The following TRMT61B variants were observed in gnomAD, a reference collection of about 807,000 sequenced individuals.
TRMT61B encodes the protein tRNA methyltransferase 61B.
TRMT61B carries 56 observed loss-of-function variants against 52.0 expected under a neutral mutation model. That is an observed-to-expected ratio of 1.08 (90% CI 0.87 to 1.35). The LOEUF is 1.35. TRMT61B is among the 40% of genes most tolerant of loss of function. The pLI, the probability that TRMT61B is intolerant of heterozygous loss-of-function variation, is 0.00. For synonymous variants in TRMT61B, 206 were observed against 220.0 expected (o/e 0.94, Z 0.56); for missense variants, 650 against 577.9 (o/e 1.12, Z -1.28).
chr2:28,867,994 G>GTT (rs1669920126), intron 1 of TRMT61B, among the ~76,000 whole-genome samples: 1 of 152,010 alleles, frequency 6.6e-6, no homozygotes, highest in Admixed American at 6.6e-5. Context: ...TCAGGCTACA[G>GTT]TAAGAGGTGA....
At position 28,861,289 on chromosome 2, in the gene TRMT61B, G is replaced by A; in HGVS notation, c.822C>T (p.Val274=). The change falls in exon 3 of 7, where the codon GTC becomes GTT. Residue 274 remains valine, a synonymous_variant. Transcript: ENST00000306108. ...LSKAVGSQGR[V]ISFEVRKDHH... The stretch of plus-strand genomic sequence containing the variant: ...GGTCTTTTCGTACCTCAAAACTTAT[G>A]ACTCGTCCTTGTGATCCAACTTAAG... The A allele has an allele frequency of 1.3e-6, 2 of 1,591,670 alleles. No homozygotes were observed. The highest frequency in any genetic ancestry group is 1.7e-6 in the Non-Finnish European group (2 of 1,172,582).
At position 28,851,083 on chromosome 2, in the gene TRMT61B, T is replaced by G. The variant is rs749379957; in HGVS notation, c.1301A>C (p.Glu434Ala). 35 of 1,604,092 alleles carry G rather than the reference T, an allele frequency of 2.2e-5. No individual in the cohort carries two copies. The highest frequency in any genetic ancestry group is 2.7e-5 in the Non-Finnish European group (32 of 1,176,060). The change falls in exon 5 of 7, where the codon GAG becomes GCG. Residue 434 changes from glutamate to alanine, a missense_variant. Physicochemically the swap from Glu to Ala is moderately radical, Grantham distance 107. Transcript: ENST00000306108. ...KIGVKGELFQ[E>A]DDHEESHSDF... ...AAACTGAAGCTCACCATGGTCATCC[T>G]CTTGAAACAGCTCACCTTTAACTCC...
chr2:28,858,026 A>C (rs66904522), intron 3 of TRMT61B, among the ~76,000 whole-genome samples: 63,229 of 150,610 alleles, frequency 0.42, 13,910 homozygotes, highest in East Asian at 0.77. Context: ...AGCTGTTTCC[A>C]AAATTTGTTT....
In TRMT61B at chr2:28,850,364, C is replaced by T; in HGVS notation, c.1354G>A (p.Val452Ile). Residue 452 changes from valine (V) to isoleucine (I), a missense_variant, in exon 6 of 7, where the codon GTT (valine) becomes ATT (isoleucine). Physicochemically the swap from Val to Ile is conservative, Grantham distance 29 (BLOSUM62 3). Transcript: ENST00000306108. ...GGTTGCCAGTGTACTGGTCTAGCAACATAGGGAAATGATCCATATGGAAAA... is the reference window on the plus strand; with the variant it reads ...GGTTGCCAGTGTACTGGTCTAGCAATATAGGGAAATGATCCATATGGAAAA... The part of the protein sequence containing the change: ...SDFPYGSFPY[V>I]ARPVHWQPGH... 1 of 1,610,618 alleles carries T rather than the reference C, an allele frequency of 6.2e-7. No individual in the cohort carries two copies.
At chr2:28,853,794 C>T (rs1168712486) in intron 3 of TRMT61B, among the ~76,000 whole-genome samples, 1 of 151,866 alleles carries the variant, frequency 6.6e-6, no homozygotes, top group East Asian at 2.0e-4. Flanking sequence ...CAAGATTAAA[C>T]CACTGCACTC....
chr2:28,854,245 C>T (rs978033051), intron 3 of TRMT61B, among the ~76,000 whole-genome samples: 5 of 152,040 alleles, frequency 3.3e-5, no homozygotes, highest in African/African-American at 1.2e-4. Context: ...AAGGGGTAGA[C>T]ATTAAACAAA....
chr2:28,853,039 G>T (rs1485838445), intron 3 of TRMT61B, among the ~76,000 whole-genome samples: 2 of 151,990 alleles, frequency 1.3e-5, no homozygotes, highest in African/African-American at 4.8e-5. Context: ...ATATTAATAT[G>T]GAAATATTGA....
At chr2:28,851,024 C>T in intron 5 of TRMT61B, 48 bp downstream of exon 5, 1 of 1,237,206 alleles carries the variant, frequency 8.1e-7, no homozygotes, top group Non-Finnish European at 1.1e-6. Flanking sequence ...TACTCAGGAA[C>T]TCATTCTCCA....
chr2:28,852,835 C>T (rs978655014), intron 3 of TRMT61B, among the ~76,000 whole-genome samples: 12 of 151,896 alleles, frequency 7.9e-5, no homozygotes, highest in South Asian at 4.2e-4. Flanking sequence ...GGCACAAGCC[C>T]GTAGTACCAG....
intron 3 of TRMT61B, among the ~76,000 whole-genome samples, chr2:28,858,041 C>CTTTT (rs372996493): frequency 1.5e-5 from 2 of 133,318 alleles, no homozygotes; most frequent in Non-Finnish European, 3.2e-5. Flanking sequence ...TTGTTTAATT[C>CTTTT]TTTTTTTTTT....
intron 4 of TRMT61B, among the ~76,000 whole-genome samples, chr2:28,851,878 C>CAAAAAAAA (rs1162566474): frequency 5.5e-5 from 1 of 18,256 alleles, no homozygotes; most frequent in Non-Finnish European, 1.0e-4. Flanking sequence ...GACTCTGTCT[C>CAAAAAAAA]AAAAAAAAAA....
At chr2:28,864,402 A>T (rs1039415587) in intron 2 of TRMT61B, among the ~76,000 whole-genome samples, 3 of 152,062 alleles carry the variant, frequency 2.0e-5, no homozygotes, top group Admixed American at 6.6e-5. Context: ...ATTTAAATAG[A>T]GAGTATTATA....
intron 3 of TRMT61B, among the ~76,000 whole-genome samples, chr2:28,857,673 G>A (rs1669401397): frequency 6.6e-6 from 1 of 152,134 alleles, no homozygotes; most frequent in Admixed American, 6.6e-5. Flanking sequence ...AAGATTAAGT[G>A]ACTTACCCAA....
In TRMT61B at chr2:28,870,250, C is replaced by G; in HGVS notation, c.28G>C (p.Val10Leu). 6.2e-7 allele frequency: 1 copy of G among 1,601,400 alleles called. No homozygotes were observed. The highest frequency in any genetic ancestry group is 8.5e-7 in the Non-Finnish European group (1 of 1,175,400). MLMAWCRGP[V>L]LLCLRQGLGT... ...AGCCCCTGCCGCAGGCACAGCAAGACAGGACCGCGGCACCATGCCATTAGC... is the reference window on the plus strand; with the variant it reads ...AGCCCCTGCCGCAGGCACAGCAAGAGAGGACCGCGGCACCATGCCATTAGC... Residue 10 changes from valine to leucine, a missense_variant, in exon 1 of 7, where the codon GTC (valine) becomes CTC (leucine). Val to Leu is a conservative substitution (Grantham distance 32, BLOSUM62 1). Coordinates refer to ENST00000306108, the MANE Select transcript of TRMT61B (RefSeq NM_017910.4).
chr2:28,870,042 G>A lies in TRMT61B; in HGVS notation c.236C>T (p.Thr79Ile), dbSNP rs749951498. ...GTTTTCCAGTGACGAAAGACATCCA[G>A]TCCCAATGTCCGAGATGCTCAGAGG... ...SLPLSISDIG[T>I]GCLSSLENLR... Residue 79 changes from threonine to isoleucine, a missense_variant, in exon 1 of 7, where the codon ACT (threonine) becomes ATT (isoleucine). By Grantham distance (89) the Thr-to-Ile change is moderately conservative (BLOSUM62 -1). Coordinates refer to ENST00000306108, the MANE Select transcript of TRMT61B (RefSeq NM_017910.4). 1.2e-6 allele frequency: 2 copies of A among 1,613,790 alleles called. No homozygotes were observed. Among genetic ancestry groups the A allele is most frequent in the Admixed American group, 3.3e-5 (2 of 60,012 alleles).
intron 3 of TRMT61B, among the ~76,000 whole-genome samples, chr2:28,856,928 C>T (rs551923108): frequency 8.8e-4 from 134 of 152,136 alleles, no homozygotes; most frequent in African/African-American, 3.2e-3. Context: ...AACCACTGCG[C>T]CTGGCCAATT....
intron 3 of TRMT61B, 134 bp downstream of exon 3, chr2:28,860,984 C>T (rs13025081): frequency 2.5e-4 from 186 of 739,716 alleles, no homozygotes; most frequent in Middle Eastern, 2.2e-3. Context: ...AGGCATGAAA[C>T]GAAAATATTC....
In TRMT61B at chr2:28,850,137, C is replaced by A. The variant is rs1669008838; in HGVS notation, c.*62G>T. On this transcript the variant is annotated 3_prime_UTR_variant, in exon 7 of 7. Transcript: ENST00000306108. ...GCCAATCTATGGAAGCAGTGATTTT[C>A]AATATAAAGTTCTATTTTGATATTT... 3 of 1,462,514 alleles carry A rather than the reference C, an allele frequency of 2.1e-6. No homozygotes were observed. In the East Asian group the frequency reaches 6.8e-5, roughly 33 times the overall value. The allele number at this position is 1,462,514 out of a possible 1,614,324, so 90.6% of individuals were successfully genotyped here. A position where few individuals can be genotyped will look rare whatever the true frequency, so the allele number is the denominator to read the frequency against.
At chr2:28,854,780 C>A (rs547638585) in intron 3 of TRMT61B, among the ~76,000 whole-genome samples, 1 of 133,798 alleles carries the variant, frequency 7.5e-6, no homozygotes, top group East Asian at 2.5e-4. Context: ...AACTGCCAGG[C>A]GTGGTGGCAT....
Sources: gnomAD v4.1 joint callset for allele counts (sites outside exome capture counted in the v4.1 genomes callset) on GRCh38, gnomAD v4.1.1 for gene constraint, MANE v1.5 for transcripts, NCBI Gene and HGNC (gene_info 2026-07-23, HGNC 2026-07-21) for gene names.